Variants in JPH4 observed in about 807,000 individuals in gnomAD.
JPH4 encodes the protein junctophilin 4, also known as junctophilin-4.
Under a neutral mutation model 57.6 loss-of-function variants are expected in JPH4, and 18 were observed. The ratio of observed to expected loss-of-function variants is 0.31; its 90% CI spans 0.22 to 0.46. The LOEUF (loss-of-function observed/expected upper bound fraction) is 0.46. Ranked by LOEUF, JPH4 falls within the 20% of genes least tolerant of loss-of-function variation. The pLI is 1.00. For missense variants in JPH4, 727 were observed against 911.1 expected (o/e 0.80, Z 2.60); for synonymous variants, 425 against 406.6 (o/e 1.05, Z -0.54).
intron 3 of JPH4, among the ~76,000 whole-genome samples, chr14:23,573,937 A>AACACACACACACACACACAC (rs35127620): frequency 7.0e-6 from 1 of 143,090 alleles, no homozygotes; most frequent in African/African-American, 2.6e-5. Flanking sequence ...CTCTCTCTGT[A>AACACACACACACACACACAC]ACACACACAC....
At position 23,571,778 on chromosome 14, in the gene JPH4, T is replaced by TC. The variant is rs1313931760; in HGVS notation, c.1270+23dup. The TC allele has an allele frequency of 1.9e-6, 3 of 1,594,342 alleles. No homozygotes were observed. The highest frequency in any genetic ancestry group is 1.1e-5 in the South Asian group (1 of 90,778). On this transcript the variant is annotated intron_variant, in intron 4 of 5. Transcript: ENST00000356300. The surrounding 1 kb of genome is among the most constrained non-coding windows in gnomAD (Gnocchi z 4.6). ...TAGCTCCCTAGGGGCCTCACTGCCC[T>TC]CCCCCCAGCTGTCCATGCCTCACCT... is the stretch of plus-strand genomic sequence containing the variant.
chr14:23,574,007 A>G (rs560775282), intron 3 of JPH4, among the ~76,000 whole-genome samples: 1 of 152,076 alleles, frequency 6.6e-6, no homozygotes, highest in South Asian at 2.1e-4. Context: ...AAACTCATTT[A>G]AGCATATTTG....
At position 23,576,356 on chromosome 14, in the gene JPH4, G is replaced by A; in HGVS notation, c.480C>T (p.Arg160=). 1 of 1,335,110 alleles carries A rather than the reference G, an allele frequency of 7.5e-7. No individual in the cohort carries two copies. The highest frequency in any genetic ancestry group is 9.5e-7 in the Non-Finnish European group (1 of 1,047,184). The allele number at this position is 1,335,110 out of a possible 1,614,324, so 82.7% of individuals were successfully genotyped here. ...CGCTGTGGCCGGAATCCAGGGAGGT[G>A]CGGCGGGGCGAGCGCAGCAGCGCCG... ...HQAALLRSPR[R]TSLDSGHSDP... is the part of the protein sequence containing the mutation. Residue 160 remains arginine, a synonymous_variant, in exon 3 of 6, where the codon CGC becomes CGT. Transcript: ENST00000356300. The surrounding 1 kb of genome is among the most constrained non-coding windows in gnomAD (Gnocchi z 8.0).
chr14:23,577,035 G>T lies in JPH4; in HGVS notation c.379+40C>A, dbSNP rs1889292186. 1.4e-6 allele frequency: 2 copies of T among 1,460,744 alleles called. No homozygotes were observed. The highest frequency in any genetic ancestry group is 1.8e-6 in the Non-Finnish European group (2 of 1,111,464). 90.5% of individuals were successfully genotyped at this position (1,460,744 alleles called of 1,614,324 possible). Reference sequence around the variant, plus strand: ...AGGCCCAAGGCTGGGGAAGGCGCACGCGGACGAGCAGACAGACACTGGTGG... The same window carrying T: ...AGGCCCAAGGCTGGGGAAGGCGCACTCGGACGAGCAGACAGACACTGGTGG... On this transcript the variant is annotated intron_variant, in intron 2 of 5. Coordinates refer to ENST00000356300, the MANE Select transcript of JPH4 (RefSeq NM_001146028.2). The surrounding 1 kb of genome is among the most constrained non-coding windows in gnomAD (Gnocchi z 8.4).
In JPH4 at chr14:23,575,900, G is replaced by A. The variant is rs765358483; in HGVS notation, c.936C>T (p.Asn312=). Residue 312 remains asparagine (N), a synonymous_variant, in exon 3 of 6, where the codon AAC becomes AAT. Coordinates refer to ENST00000356300, the MANE Select transcript of JPH4 (RefSeq NM_001146028.2). This position sits in a 1 kb window ranked among gnomAD's most constrained non-coding sequence, Gnocchi z 6.9. Reference sequence around the variant, plus strand: ...TGGTGCGCCCGTAGCCGTGCCGCCGGTTGCCCAGCCACTCGCCCTCGTAGC... The same window carrying A: ...TGGTGCGCCCGTAGCCGTGCCGCCGATTGCCCAGCCACTCGCCCTCGTAGC... ...GLRYEGEWLG[N]RRHGYGRTTR... The A allele has an allele frequency of 2.5e-6, 4 of 1,573,466 alleles. No homozygotes were observed. Among genetic ancestry groups the A allele is most frequent in the East Asian group, 4.6e-5 (2 of 43,956 alleles).
At position 23,577,285 on chromosome 14, in the gene JPH4, C is replaced by A; in HGVS notation, c.169G>T (p.Gly57Cys). 1 of 1,537,192 alleles carries A rather than the reference C, an allele frequency of 6.5e-7. No individual in the cohort carries two copies. The highest frequency in any genetic ancestry group is 8.7e-7 in the Non-Finnish European group (1 of 1,145,096). Residue 57 changes from glycine (G) to cysteine (C), a missense_variant, in exon 2 of 6, where the codon GGC (glycine) becomes TGC (cysteine). This residue lies in a region of JPH4 where 83 missense variants were observed against 135.4 expected (regional missense o/e 0.61). Coordinates refer to ENST00000356300, the MANE Select transcript of JPH4 (RefSeq NM_001146028.2). This position sits in a 1 kb window ranked among gnomAD's most constrained non-coding sequence, Gnocchi z 8.4. ...CAGTGGCCCTGGTAGCTGTGTCCGC[C>A]GGGCCCCGTGAAGACGCCCAGTGAC... The part of the protein sequence containing the change: ...FESLGVFTGP[G>C]GHSYQGHWQQ...
chr14:23,572,279 C>A lies in JPH4; in HGVS notation c.1152-359G>T, dbSNP rs148816860. On this transcript the variant is annotated intron_variant, in intron 3 of 5. Transcript: ENST00000356300. The stretch of plus-strand genomic sequence containing the variant: ...GCCCCCTTCCCAGTGACAGTCGAGA[C>A]CTCACTCTTTTAGCACATCCCCTGC... Among the ~76,000 whole-genome samples, 57 of 152,152 alleles carry A rather than the reference C, an allele frequency of 3.7e-4. 2 individuals carry two copies. The highest frequency in any genetic ancestry group is 7.2e-4 in the Non-Finnish European group (49 of 67,984).
In JPH4 at chr14:23,576,645, A is replaced by G. The variant is rs1294899203; in HGVS notation, c.380-189T>C. Among the ~76,000 whole-genome samples the G allele has an allele frequency of 6.6e-6, 1 of 152,068 alleles. No homozygotes were observed. The highest frequency in any genetic ancestry group is 1.5e-5 in the Non-Finnish European group (1 of 68,002). ...TGGGCCGGAAAGTGTGGGAGAGCAG[A>G]GTGAAGACGGGCAGGTAGCAGGAGC... is the stretch of plus-strand genomic sequence containing the variant. On this transcript the variant is annotated intron_variant, in intron 2 of 5. Transcript: ENST00000356300. The surrounding 1 kb of genome is among the most constrained non-coding windows in gnomAD (Gnocchi z 8.0).
At chr14:23,573,871 T>A (rs920204022) in intron 3 of JPH4, among the ~76,000 whole-genome samples, 1 of 152,046 alleles carries the variant, frequency 6.6e-6, no homozygotes, top group Non-Finnish European at 1.5e-5. Flanking sequence ...CATCTATAGA[T>A]GCACATTCTC....
At position 23,571,441 on chromosome 14, in the gene JPH4, G is replaced by A. The variant is rs754253747; in HGVS notation, c.1290C>T (p.Asp430=). ...LEAPGRRPRQ[D]SEGSDTEPLD... is the part of the protein sequence containing the mutation. Reference sequence around the variant, plus strand: ...GGGGCTCCGTGTCGGAACCTTCTGAGTCCTGCCTGGGTCTGCGGCCTGGGT... The same window carrying A: ...GGGGCTCCGTGTCGGAACCTTCTGAATCCTGCCTGGGTCTGCGGCCTGGGT... Residue 430 remains aspartate, a synonymous_variant, in exon 5 of 6, where the codon GAC becomes GAT. Transcript: ENST00000356300. The surrounding 1 kb of genome is among the most constrained non-coding windows in gnomAD (Gnocchi z 4.6). 2.5e-6 allele frequency: 4 copies of A among 1,599,138 alleles called. No individual in the cohort carries two copies. The highest frequency in any genetic ancestry group is 4.5e-5 in the East Asian group (2 of 44,884).
Position 23,571,182 on chromosome 14 carries a change from C to T in JPH4, c.1549G>A (p.Glu517Lys), listed in dbSNP as rs1282485319. 5 of 1,614,090 alleles carry T rather than the reference C, an allele frequency of 3.1e-6. No individual in the cohort carries two copies. Among genetic ancestry groups the T allele is most frequent in the South Asian group, 2.2e-5 (2 of 91,084 alleles). The change falls in exon 5 of 6, where the codon GAG becomes AAG. Residue 517 changes from glutamate (E) to lysine (K), a missense_variant. By Grantham distance (56) the Glu-to-Lys change is moderately conservative. Around this residue, in one of 7 missense-constraint regions of JPH4, gnomAD observed 293 missense variants for 279.8 expected, o/e 1.05. Transcript: ENST00000356300. The surrounding 1 kb of genome is among the most constrained non-coding windows in gnomAD (Gnocchi z 4.6). The stretch of plus-strand genomic sequence containing the variant: ...GGCCCTGGCCCTTGCATCCCAGCCT[C>T]ATCCTCAGCCTCATAGCCAGCTAGT... ...EELAGYEAEDEAGMQGPGPRD... is the reference protein window; with the variant it reads ...EELAGYEAEDKAGMQGPGPRD...
rs1226755149 is a variant in JPH4 at position 23,576,198 on chromosome 14, G to A, written c.638C>T (p.Pro213Leu). 4.7e-6 allele frequency: 6 copies of A among 1,288,532 alleles called. No homozygotes were observed. Among genetic ancestry groups the A allele is most frequent in the Non-Finnish European group, 5.9e-6 (6 of 1,018,292 alleles). 79.8% of individuals were successfully genotyped at this position (1,288,532 alleles called of 1,614,324 possible). A position where few individuals can be genotyped will look rare whatever the true frequency, so the allele number is the denominator to read the frequency against. ...ACGGCGAAAGAATCCGCCGGCCGCC[G>A]GAGTGCGCTTTCGGGACGACGCGCC... is the stretch of plus-strand genomic sequence containing the variant. ...ADGASSRKRT[P>L]AAGGFFRRSL... Residue 213 changes from proline (P) to leucine (L), a missense_variant, in exon 3 of 6, where the codon CCG becomes CTG. This residue lies in a region of JPH4 where 131 missense variants were observed against 156.5 expected (regional missense o/e 0.84). Coordinates refer to ENST00000356300, the MANE Select transcript of JPH4 (RefSeq NM_001146028.2). This position sits in a 1 kb window ranked among gnomAD's most constrained non-coding sequence, Gnocchi z 8.0.
At chr14:23,574,538 C>T (rs949376748) in intron 3 of JPH4, among the ~76,000 whole-genome samples, 10 of 152,142 alleles carry the variant, frequency 6.6e-5, no homozygotes, top group African/African-American at 1.9e-4. Context: ...GCATTTGAAA[C>T]GTGTCTAGTC....
intron 3 of JPH4, chr14:23,572,746 T>TA (rs1889182088): frequency 1.6e-6 from 1 of 623,408 alleles, no homozygotes; most frequent in Non-Finnish European, 2.9e-6. Flanking sequence ...CCATCCCCTC[T>TA]CCCTACTAAC....
In JPH4 at chr14:23,569,243, G is replaced by A. The variant is rs1888991236; in HGVS notation, c.*391C>T. The A allele has an allele frequency of 3.6e-6, 1 of 281,354 alleles. No homozygotes were observed. Among genetic ancestry groups the A allele is most frequent in the Non-Finnish European group, 6.9e-6 (1 of 145,334 alleles). The allele number at this position is 281,354 out of a possible 1,614,324, so 17.4% of individuals were successfully genotyped here. Reference sequence around the variant, plus strand: ...CATTCAGCTTCCAGGAGTCTCCTTAGGACACCAAACCCCCACCCGCAGCGA... The same window carrying A: ...CATTCAGCTTCCAGGAGTCTCCTTAAGACACCAAACCCCCACCCGCAGCGA... On this transcript the variant is annotated 3_prime_UTR_variant, in exon 6 of 6. Transcript: ENST00000356300. The surrounding 1 kb of genome is among the most constrained non-coding windows in gnomAD (Gnocchi z 4.8).
In JPH4 at chr14:23,570,912, G is replaced by C. The variant is rs766696252; in HGVS notation, c.1803+16C>G. ...TTTGGGAGAAGAGGGCACACAGCAG[G>C]GACAGAGGATCTCACCGGCTGGGCA... On this transcript the variant is annotated intron_variant, in intron 5 of 5. Transcript: ENST00000356300. 5 of 1,503,564 alleles carry C rather than the reference G, an allele frequency of 3.3e-6. No homozygotes were observed. The highest frequency in any genetic ancestry group is 1.4e-5 in the African/African-American group (1 of 71,504). 93.1% of individuals were successfully genotyped at this position (1,503,564 alleles called of 1,614,324 possible).
At chr14:23,570,901 G>A (rs370708795) in intron 5 of JPH4, 27 bp downstream of exon 5, 1 of 1,489,524 alleles carries the variant, frequency 6.7e-7, no homozygotes, top group East Asian at 2.4e-5. Flanking sequence ...GGAGAAGAGG[G>A]CACACAGCAG....
At chr14:23,572,859 C>G (rs960599849) in intron 3 of JPH4, 22 of 702,448 alleles carry the variant, frequency 3.1e-5, no homozygotes, top group Non-Finnish European at 5.7e-5. Flanking sequence ...GTGCAGGCAG[C>G]CTGGGAGTCT....
At position 23,568,133 on chromosome 14, in the gene JPH4, C is replaced by G; in HGVS notation, c.*1501G>C. 1 of 985,608 alleles carries G rather than the reference C, an allele frequency of 1.0e-6. No individual in the cohort carries two copies. The highest frequency in any genetic ancestry group is 1.2e-6 in the Non-Finnish European group (1 of 829,892). The allele number at this position is 985,608 out of a possible 1,614,324, so 61.1% of individuals were successfully genotyped here. A position where few individuals can be genotyped will look rare whatever the true frequency, so the allele number is the denominator to read the frequency against. ...TGTTGGCGGCACTGTTGTAGTTTAA[C>G]TTCAATCCCAAATTCCATGAAATAG... On this transcript the variant is annotated 3_prime_UTR_variant, in exon 6 of 6. Transcript: ENST00000356300.
Sources: gnomAD v4.1 joint callset for allele counts (sites outside exome capture counted in the v4.1 genomes callset) on GRCh38, gnomAD v4.1.1 for gene constraint, gnomAD v4.1.1 regional missense constraint, Gnocchi (gnomAD v3.1) non-coding constraint, MANE v1.5 for transcripts, NCBI Gene and HGNC (gene_info 2026-07-23, HGNC 2026-07-21) for gene names.